Variants in CDH19 observed in about 807,000 individuals in gnomAD.
CDH19 encodes the protein cadherin-19.
In CDH19, 67 loss-of-function variants were observed where a neutral mutation model predicts 64.2. That is an observed-to-expected ratio of 1.04 (90% confidence interval 0.86 to 1.28). The LOEUF is 1.28. CDH19 is among the 50% of genes most tolerant of loss of function. CDH19 has a pLI of 0.00. For missense variants in CDH19, 1,030 were observed against 929.0 expected, an observed-to-expected ratio of 1.11 and a Z score of -1.41; for synonymous variants, 346 against 319.3, an observed-to-expected ratio of 1.08 and a Z score of -0.89.
intron 11 of CDH19, among the ~76,000 whole-genome samples, chr18:66,507,030 G>A (rs918533620): frequency 2.6e-5 from 4 of 151,718 alleles, no homozygotes; most frequent in Non-Finnish European, 5.9e-5. Context: ...TAGTTGACCC[G>A]TAACTCCCAC....
At chr18:66,539,702 G>A (rs1294754554) in intron 7 of CDH19, among the ~76,000 whole-genome samples, 3 of 151,880 alleles carry the variant, frequency 2.0e-5, no homozygotes, top group East Asian at 1.9e-4. Flanking sequence ...TGTTTATGAG[G>A]GATATTGATC....
intron 3 of CDH19, 75 bp downstream of exon 3, chr18:66,568,341 T>A: frequency 8.6e-7 from 1 of 1,168,946 alleles, no homozygotes; most frequent in Non-Finnish European, 1.2e-6. Context: ...AATCATCTAC[T>A]TCCAAAACAT....
intron 7 of CDH19, among the ~76,000 whole-genome samples, chr18:66,542,900 C>A (rs1223474738): frequency 1.3e-5 from 2 of 152,166 alleles, no homozygotes; most frequent in Non-Finnish European, 2.9e-5. Context: ...CCCCTTCACC[C>A]CCCCGACCTT....
At chr18:66,549,728 T>G (rs1026417975) in intron 5 of CDH19, among the ~76,000 whole-genome samples, 4 of 152,144 alleles carry the variant, frequency 2.6e-5, no homozygotes, top group Non-Finnish European at 5.9e-5. Context: ...TCTGATAACC[T>G]TGCATATGTT....
chr18:66,572,979 C>T (rs1988152771), intron 1 of CDH19, among the ~76,000 whole-genome samples: 1 of 151,462 alleles, frequency 6.6e-6, no homozygotes, highest in African/African-American at 2.4e-5. Context: ...ATGATTGTTC[C>T]TGGGTAAGAA....
chr18:66,560,948 T>C (rs1207825896), intron 3 of CDH19, among the ~76,000 whole-genome samples: 2 of 152,074 alleles, frequency 1.3e-5, no homozygotes, highest in African/African-American at 2.4e-5. Context: ...ATAATATATA[T>C]GAACATTAAT....
rs1027879128 is a variant in CDH19, at chr18:66,522,438, C to T, written c.1458+7407G>A. 6.6e-5 allele frequency among the ~76,000 whole-genome samples: 10 copies of T among 151,972 alleles called. No homozygotes were observed. The East Asian group carries it at 2.0e-3, about 30-fold the overall frequency. On this transcript the variant is annotated intron_variant, in intron 9 of 11. Transcript: ENST00000262150. ...GCTAATTTCGTATTTTTAGTAGAGA[C>T]GGGGGTGCGCCATGTTGGCCAGGCT... is the stretch of plus-strand genomic sequence containing the variant.
rs1599007704 is a variant in CDH19 at position 66,551,266 on chromosome 18, A to G, written c.611-8T>C. The G allele has an allele frequency of 6.4e-6, 8 of 1,257,602 alleles. No individual in the cohort carries two copies. Among genetic ancestry groups the G allele is most frequent in the Non-Finnish European group, 9.2e-6 (8 of 865,890 alleles). The allele number at this position is 1,257,602 out of a possible 1,614,324, so 77.9% of individuals were successfully genotyped here. ...AAGATATTCTTATGACTCCTTTAAA[A>G]ATATAATAAAATTCCAATTATTTCA... On this transcript the variant is annotated splice_polypyrimidine_tract_variant and splice_region_variant and intron_variant, in intron 4 of 11. Coordinates refer to ENST00000262150, the MANE Select transcript of CDH19 (RefSeq NM_021153.4).
At chr18:66,547,600 T>G (rs1218384135) in intron 5 of CDH19, among the ~76,000 whole-genome samples, 3 of 150,878 alleles carry the variant, frequency 2.0e-5, no homozygotes, top group African/African-American at 7.3e-5. Flanking sequence ...GAAAATCTGT[T>G]GGAAAAAGAG....
At chr18:66,526,832 CT>C (rs996660195) in intron 9 of CDH19, among the ~76,000 whole-genome samples, 4 of 150,770 alleles carry the variant, frequency 2.7e-5, no homozygotes, top group African/African-American at 7.3e-5. Context: ...TTTCATCATT[CT>C]TTTTTTTTAA....
chr18:66,508,878 G>C, intron 11 of CDH19, 117 bp downstream of exon 11: 1 of 1,089,780 alleles, frequency 9.2e-7, no homozygotes, highest in Non-Finnish European at 1.3e-6. Context: ...TGCTATAATA[G>C]AATTAACTAT....
chr18:66,522,386 G>A (rs113424130), intron 9 of CDH19, among the ~76,000 whole-genome samples: 3 of 152,164 alleles, frequency 2.0e-5, no homozygotes, highest in African/African-American at 7.2e-5. Flanking sequence ...GGGTTTACAA[G>A]CATTCGCCCA....
intron 1 of CDH19, among the ~76,000 whole-genome samples, chr18:66,579,922 G>A (rs558214471): frequency 2.0e-5 from 3 of 151,688 alleles, no homozygotes; most frequent in Non-Finnish European, 4.4e-5. Flanking sequence ...GAAATGACAG[G>A]GTGTCTTGAG....
intron 1 of CDH19, among the ~76,000 whole-genome samples, chr18:66,579,908 A>G (rs997506179): frequency 6.6e-6 from 1 of 152,012 alleles, no homozygotes; most frequent in Non-Finnish European, 1.5e-5. Context: ...GCATATTGGT[A>G]TTAGAAATGA....
intron 3 of CDH19, among the ~76,000 whole-genome samples, chr18:66,559,621 T>C (rs946693555): frequency 6.6e-6 from 1 of 151,564 alleles, no homozygotes; most frequent in Non-Finnish European, 1.5e-5. Flanking sequence ...AATTCATAAA[T>C]TTAGCAAGTC....
intron 1 of CDH19, among the ~76,000 whole-genome samples, chr18:66,599,851 T>C (rs1217604949): frequency 6.6e-6 from 1 of 151,916 alleles, no homozygotes; most frequent in Non-Finnish European, 1.5e-5. Flanking sequence ...GTGTATGGTA[T>C]AAAACAAAAC....
At chr18:66,525,339 T>C (rs1986179927) in intron 9 of CDH19, among the ~76,000 whole-genome samples, 1 of 152,182 alleles carries the variant, frequency 6.6e-6, no homozygotes, top group South Asian at 2.1e-4. Context: ...TATGCCTTAT[T>C]ACCTTTGAAA....
intron 1 of CDH19, among the ~76,000 whole-genome samples, chr18:66,588,287 C>G (rs552020362): frequency 6.6e-6 from 1 of 152,154 alleles, no homozygotes; most frequent in Admixed American, 6.6e-5. Context: ...GGGATAGGCT[C>G]CTGTCACCCA....
intron 6 of CDH19, 38 bp from the exon 7 acceptor site, chr18:66,544,262 T>C (rs1987014766): frequency 1.9e-6 from 3 of 1,578,570 alleles, no homozygotes; most frequent in African/African-American, 1.4e-5. Context: ...GAAATGGCTT[T>C]AGTAACCCAA....
Sources: allele counts gnomAD v4.1 joint callset (sites outside exome capture counted in the v4.1 genomes callset), GRCh38; gene constraint gnomAD v4.1.1; transcripts MANE v1.5; gene names NCBI Gene and HGNC (gene_info 2026-07-23, HGNC 2026-07-21).